KLK4: variants seen among roughly 807,000 people sequenced by gnomAD.
KLK4 encodes kallikrein-4.
KLK4 carries 24 observed loss-of-function variants against 24.3 expected under a neutral mutation model. That is an observed-to-expected ratio of 0.99 (90% confidence interval 0.72 to 1.39). KLK4 has a LOEUF of 1.39. Among genes scored for constraint, KLK4 ranks in the 40% most tolerant of loss-of-function variants. The pLI is 0.00. For missense variants in KLK4, 344 were observed against 327.4 expected, an observed-to-expected ratio of 1.05 and a Z score of -0.39; for synonymous variants, 142 against 138.8, an observed-to-expected ratio of 1.02 and a Z score of -0.16.
chr19:50,909,369 T>TCCTCGCCGTTTATGATTTGGCTGCAGC (rs1460832405), exon 3 of KLK4: 2 of 1,614,056 alleles, frequency 1.2e-6, no homozygotes, highest in Admixed American at 1.7e-5. Flanking sequence ...CGGGCTGCAG[T>TCCTCGCCGTTTATGATTTGGCTGCAGC]CCTCGCCGTT....
chr19:50,906,457 GGA>G (rs2090430071), exon 6 of KLK4: 2 of 261,648 alleles, frequency 7.6e-6, no homozygotes, highest in Admixed American at 4.9e-5. Context: ...CTGTGTACAG[GGA>G]GAGTCTAGGT....
At position 50,909,528 on chromosome 19, in the gene KLK4, G is replaced by C. The variant is rs543371972; in HGVS notation, c.62-114C>G. On this transcript the variant is annotated intron_variant, in intron 2 of 5. Transcript: ENST00000324041. The stretch of plus-strand genomic sequence containing the variant: ...GGTTCAGGAGCAGTCAGGGCTCCTC[G>C]GGGCGGAGTCAGGGCTGGGAACGGG... 2.8e-4 allele frequency: 326 copies of C among 1,147,562 alleles called. 2 individuals are homozygous for C. In the South Asian group the frequency reaches 4.1e-3, roughly 14 times the overall value. 71.1% of individuals were successfully genotyped at this position (1,147,562 alleles called of 1,614,324 possible). A position where few individuals can be genotyped will look rare whatever the true frequency, so the allele number is the denominator to read the frequency against.
intron 2 of KLK4, 48 bp from the exon 3 acceptor site, chr19:50,909,462 G>A (rs1406396180): frequency 5.6e-6 from 9 of 1,599,304 alleles, no homozygotes; most frequent in Admixed American, 1.7e-5. Flanking sequence ...GCGGGCCCAG[G>A]GTTCCTGGGG....
intron 4 of KLK4, 22 bp downstream of exon 4, chr19:50,908,557 A>G: frequency 1.2e-6 from 2 of 1,614,146 alleles, no homozygotes; most frequent in Non-Finnish European, 1.7e-6. Context: ...TGAAGAGGGC[A>G]GACACACACC....
intron 5 of KLK4, chr19:50,908,055 G>GT (rs2090449137): frequency 2.1e-6 from 1 of 474,888 alleles, no homozygotes; most frequent in African/African-American, 2.0e-5. Context: ...GGAGTCAAAA[G>GT]TTATAAGAGG....
chr19:50,909,512 G>T (rs989335964), intron 2 of KLK4, 98 bp from the exon 3 acceptor site: 9 of 1,302,688 alleles, frequency 6.9e-6, no homozygotes, highest in Non-Finnish European at 9.9e-6. Context: ...AGGTTCAGGA[G>T]CAGTCAGGGC....
At chr19:50,907,785 C>G (rs935042921) in intron 5 of KLK4, among the ~76,000 whole-genome samples, 1 of 152,146 alleles carries the variant, frequency 6.6e-6, no homozygotes, top group Non-Finnish European at 1.5e-5. Context: ...CCTCTGGGTA[C>G]ACAGTTGACC....
At chr19:50,909,065 T>TGG in intron 3 of KLK4, 187 bp downstream of exon 3, 1 of 1,480,968 alleles carries the variant, frequency 6.8e-7, no homozygotes, top group South Asian at 1.3e-5. Context: ...CAGGACTCTC[T>TGG]GAGTCCTTCC....
At chr19:50,906,939 T>C in exon 6 of KLK4, 1 of 1,614,132 alleles carries the variant, frequency 6.2e-7, no homozygotes. Flanking sequence ...CAGAGTTAAC[T>C]GGCCTGGACG....
intron 5 of KLK4, among the ~76,000 whole-genome samples, chr19:50,907,373 G>C (rs1043458673): frequency 2.0e-5 from 3 of 147,072 alleles, no homozygotes; most frequent in Non-Finnish European, 4.5e-5. Flanking sequence ...TTGTTTATCT[G>C]TCTCAGTGTC....
At position 50,910,612 on chromosome 19, in the gene KLK4, C is replaced by T. The variant is rs2090480072; in HGVS notation, c.61+66G>A. On this transcript the variant is annotated intron_variant, in intron 2 of 5. Transcript: ENST00000324041. This position sits in a 1 kb window ranked among gnomAD's most constrained non-coding sequence, Gnocchi z 4.4. ...TCACAAGCAAGAGGACACTGAGTCA[C>T]ACCTGAACATTAACAAACACTGTGC... The T allele has an allele frequency of 7.0e-7, 1 of 1,432,074 alleles. No individual in the cohort carries two copies. Among genetic ancestry groups the T allele is most frequent in the Non-Finnish European group, 9.6e-7 (1 of 1,038,296 alleles). 88.7% of individuals were successfully genotyped at this position (1,432,074 alleles called of 1,614,324 possible). A position where few individuals can be genotyped will look rare whatever the true frequency, so the allele number is the denominator to read the frequency against.
exon 6 of KLK4, chr19:50,906,477 G>A (rs1262653113): frequency 6.9e-6 from 2 of 287,942 alleles, no homozygotes; most frequent in African/African-American, 2.2e-5. Flanking sequence ...GGTGGCATTG[G>A]ACCGCTGGGT....
chr19:50,907,802 C>G (rs2090447225), intron 5 of KLK4, among the ~76,000 whole-genome samples: 1 of 152,186 alleles, frequency 6.6e-6, no homozygotes, highest in African/African-American at 2.4e-5. Context: ...GACCCTTGAA[C>G]AACCCTGGTT....
At chr19:50,908,735 C>T in exon 4 of KLK4, 1 of 1,614,200 alleles carries the variant, frequency 6.2e-7, no homozygotes, top group Non-Finnish European at 8.5e-7. Context: ...CTGTTGTACT[C>T]TGGGTGCCGT....
At chr19:50,907,553 C>T (rs1473851963) in intron 5 of KLK4, among the ~76,000 whole-genome samples, 2 of 151,958 alleles carry the variant, frequency 1.3e-5, no homozygotes, top group Admixed American at 1.3e-4. Flanking sequence ...ATTACAGGCG[C>T]CTGCCACCAT....
chr19:50,908,527 G>A (rs1221113509), intron 4 of KLK4, 32 bp from the exon 5 acceptor site: 4 of 1,614,140 alleles, frequency 2.5e-6, no homozygotes, highest in Non-Finnish European at 3.4e-6. Flanking sequence ...CAGCCCCCGC[G>A]ACTGGGCAGA....
chr19:50,908,633 A>T, exon 4 of KLK4: 1 of 1,614,210 alleles, frequency 6.2e-7, no homozygotes, highest in Non-Finnish European at 8.5e-7. Context: ...GCGGTAGGGC[A>T]CTGCGAAGCA....
Position 50,909,512 on chromosome 19 carries a change from G to A in KLK4, c.62-98C>T, listed in dbSNP as rs989335964. ...CAGGGGCGTGGTCAGAGGTTCAGGA[G>A]CAGTCAGGGCTCCTCGGGGCGGAGT... On this transcript the variant is annotated intron_variant, in intron 2 of 5. Transcript: ENST00000324041. The A allele has an allele frequency of 3.8e-6, 5 of 1,302,694 alleles. No individual in the cohort carries two copies. In the Admixed American group the frequency reaches 5.1e-5, roughly 13 times the overall value. 80.7% of individuals were successfully genotyped at this position (1,302,694 alleles called of 1,614,324 possible).
In KLK4 at chr19:50,910,758, G is replaced by A; in HGVS notation, c.-11-9C>T. The A allele has an allele frequency of 6.4e-7, 1 of 1,550,896 alleles. No individual in the cohort carries two copies. The highest frequency in any genetic ancestry group is 1.2e-5 in the South Asian group (1 of 84,052). On this transcript the variant is annotated splice_polypyrimidine_tract_variant and intron_variant, in intron 1 of 5. Transcript: ENST00000324041. This position sits in a 1 kb window ranked among gnomAD's most constrained non-coding sequence, Gnocchi z 4.4. ...GGCCATCACGTCAGCACCTGGGGAT[G>A]AGGACTGAGACTTAGCCGTGTCTGG... is the stretch of plus-strand genomic sequence containing the variant.
Sources: allele counts gnomAD v4.1 joint callset (sites outside exome capture counted in the v4.1 genomes callset), GRCh38; gene constraint gnomAD v4.1.1; non-coding constraint Gnocchi (gnomAD v3.1); transcripts MANE v1.5; gene names NCBI Gene and HGNC (gene_info 2026-07-23, HGNC 2026-07-21).